Variants in ABLIM1 observed in about 807,000 individuals in gnomAD.
ABLIM1 encodes the protein actin binding LIM protein 1, also known as actin-binding LIM protein 1.
ABLIM1 carries 40 observed loss-of-function variants against 107.0 expected under a neutral mutation model. The ratio of observed to expected loss-of-function variants is 0.37; its 90% CI spans 0.29 to 0.49. The LOEUF (loss-of-function observed/expected upper bound fraction) is 0.49, where lower values mean the gene tolerates loss of function less well. Ranked by LOEUF, ABLIM1 falls within the 20% of genes least tolerant of loss-of-function variation. The probability of loss-of-function intolerance (pLI) is 0.97; values close to 1 mark genes in which losing one functional copy is unlikely to be tolerated. For synonymous variants in ABLIM1, 357 were observed against 357.3 expected, an observed-to-expected ratio of 1.00 and a Z score of 0.01; for missense variants, 857 against 1,008.5, an observed-to-expected ratio of 0.85 and a Z score of 2.04.
At chr10:114,686,414 G>A (rs768572483), upstream of ABLIM1, among the ~76,000 whole-genome samples, 26 of 151,876 alleles carry the variant, frequency 1.7e-4, no homozygotes, top group African/African-American at 4.4e-4. Flanking sequence ...TCAGGAGGCT[G>A]AGGCAGGAGG....
At chr10:114,559,994 TA>T (rs1392790838) in intron 4 of ABLIM1, among the ~76,000 whole-genome samples, 4 of 152,190 alleles carry the variant, frequency 2.6e-5, no homozygotes, top group Non-Finnish European at 4.4e-5. Context: ...TGCCGTCACC[TA>T]AGGCCATTCA....
chr10:114,613,789 C>G, intron 1 of ABLIM1: 1 of 1,268,590 alleles, frequency 7.9e-7, no homozygotes. Flanking sequence ...CACCTAGGCT[C>G]CTGACTCCTC....
chr10:114,639,463 C>T (rs1239460082), intron 1 of ABLIM1, among the ~76,000 whole-genome samples: 1 of 152,202 alleles, frequency 6.6e-6, no homozygotes, highest in Non-Finnish European at 1.5e-5. Flanking sequence ...GCCACACCGG[C>T]CACACAGGCC....
At chr10:114,791,594 C>T in the ABLIM1 span, among the ~76,000 whole-genome samples, 8 of 151,232 alleles carry the variant, frequency 5.3e-5, no homozygotes, top group Non-Finnish European at 7.4e-5. Flanking sequence ...GCCAAGATTG[C>T]GCCACTGCAC....
At chr10:114,702,834 A>C (rs1042476463) in intron 1 of ABLIM1, among the ~76,000 whole-genome samples, 1 of 152,128 alleles carries the variant, frequency 6.6e-6, no homozygotes, top group African/African-American at 2.4e-5. Context: ...TCATAGCTAG[A>C]ATTATTCATA....
intron 6 of ABLIM1, among the ~76,000 whole-genome samples, chr10:114,516,478 C>T (rs1221160989): frequency 2.0e-5 from 3 of 152,032 alleles, no homozygotes; most frequent in Non-Finnish European, 2.9e-5. Flanking sequence ...GAGCCGAGAT[C>T]GCATCACTGC....
At chr10:114,586,935 A>G (rs1043790169) in intron 2 of ABLIM1, among the ~76,000 whole-genome samples, 1 of 152,224 alleles carries the variant, frequency 6.6e-6, no homozygotes, top group Non-Finnish European at 1.5e-5. Flanking sequence ...TCCTAAAAAA[A>G]TGAAACATAG....
At chr10:114,538,705 T>A (rs1044321344) in intron 6 of ABLIM1, among the ~76,000 whole-genome samples, 3 of 152,196 alleles carry the variant, frequency 2.0e-5, no homozygotes, top group Non-Finnish European at 4.4e-5. Context: ...TAAGACAACT[T>A]TCCTTTCAGG....
At chr10:114,739,095 G>T (rs1279274891) in intron 1 of ABLIM1, among the ~76,000 whole-genome samples, 1 of 152,170 alleles carries the variant, frequency 6.6e-6, no homozygotes, top group South Asian at 2.1e-4. Context: ...TGTAACAAAA[G>T]AAAATCCATT....
rs78835258 is a variant in ABLIM1 at position 114,640,603 on chromosome 10, T to G, written c.244+17354A>C. Among the ~76,000 whole-genome samples, 187 of 152,334 alleles carry G rather than the reference T, an allele frequency of 1.2e-3. 1 individual carries two copies. Among genetic ancestry groups the G allele is most frequent in the African/African-American group, 4.4e-3 (184 of 41,568 alleles). On this transcript the variant is annotated intron_variant, in intron 1 of 22. Transcript: ENST00000533213. ...GTCAGATTTGTGTACGTATTGTGTA[T>G]TTCTACTGTTCTAAAAAGAATAAAG... is the stretch of plus-strand genomic sequence containing the variant.
At chr10:114,597,804 T>C (rs10885586) in intron 2 of ABLIM1, among the ~76,000 whole-genome samples, 59,345 of 151,806 alleles carry the variant, frequency 0.39, 13,654 homozygotes, top group Non-Finnish European at 0.52. Context: ...AGGAAAAACG[T>C]GTGGGATGAA....
intron 1 of ABLIM1, among the ~76,000 whole-genome samples, chr10:114,704,436 T>C (rs962027838): frequency 4.6e-5 from 7 of 151,272 alleles, no homozygotes; most frequent in Admixed American, 4.6e-4. Context: ...CAGTAGAACA[T>C]TTTCATAAAT....
At chr10:114,623,757 T>G (rs1169870242) in intron 1 of ABLIM1, among the ~76,000 whole-genome samples, 2 of 152,160 alleles carry the variant, frequency 1.3e-5, no homozygotes, top group Non-Finnish European at 2.9e-5. Context: ...ATGATTCTGA[T>G]CCCAGTTGAA....
chr10:114,448,266 T>C (rs1350732117), intron 14 of ABLIM1, among the ~76,000 whole-genome samples: 1 of 152,206 alleles, frequency 6.6e-6, no homozygotes, highest in African/African-American at 2.4e-5. Flanking sequence ...AACCCTATTC[T>C]AGAGTGCTGC....
the ABLIM1 span, among the ~76,000 whole-genome samples, chr10:114,787,745 G>A: frequency 6.1e-4 from 84 of 138,174 alleles, 2 homozygotes; most frequent in African/African-American, 2.0e-3. Context: ...GCCCCGTCCG[G>A]GAGGTGAGGG....
chr10:114,440,761 T>TATGAGCA, intron 19 of ABLIM1: 2 of 579,710 alleles, frequency 3.5e-6, no homozygotes, highest in Non-Finnish European at 6.5e-6. Flanking sequence ...ATGCCTGGCC[T>TATGAGCA]CTAGGTATCT....
intron 11 of ABLIM1, among the ~76,000 whole-genome samples, chr10:114,466,158 A>T (rs894342223): frequency 6.6e-6 from 1 of 152,092 alleles, no homozygotes; most frequent in Non-Finnish European, 1.5e-5. Flanking sequence ...TGGGCAACAC[A>T]ACGAGACCTT....
chr10:114,546,894 C>T (rs549233904), intron 5 of ABLIM1, among the ~76,000 whole-genome samples: 1 of 152,086 alleles, frequency 6.6e-6, no homozygotes, highest in Non-Finnish European at 1.5e-5. Flanking sequence ...GATCCTCCCA[C>T]CTCAGACTCA....
At chr10:114,787,585 G>A in the ABLIM1 span, among the ~76,000 whole-genome samples, 2 of 143,134 alleles carry the variant, frequency 1.4e-5, no homozygotes, top group Non-Finnish European at 3.1e-5. Context: ...GAGGTGGGGG[G>A]TCAGCCCCCC....
Sources: gnomAD v4.1 joint callset for allele counts (sites outside exome capture counted in the v4.1 genomes callset) on GRCh38, gnomAD v4.1.1 for gene constraint, MANE v1.5 for transcripts, NCBI Gene and HGNC (gene_info 2026-07-23, HGNC 2026-07-21) for gene names.